Variants in KCNQ5 observed in about 807,000 individuals in gnomAD.
The protein encoded by KCNQ5 is potassium voltage-gated channel subfamily Q member 5, also known as potassium voltage-gated channel subfamily KQT member 5.
Under a neutral mutation model 98.2 loss-of-function variants are expected in KCNQ5, and 30 were observed. The ratio of observed to expected loss-of-function variants is 0.31; its 90% CI spans 0.23 to 0.41. The LOEUF is 0.41. Ranked by LOEUF, KCNQ5 falls within the 10% of genes least tolerant of loss-of-function variation. The pLI is 1.00. For synonymous variants in KCNQ5, 458 were observed against 449.4 expected (o/e 1.02, Z -0.24); for missense variants, 835 against 1,182.5 (o/e 0.71, Z 4.31).
chr6:72,849,115 TACAC>T (rs57312980), intron 1 of KCNQ5, among the ~76,000 whole-genome samples: 2,016 of 147,350 alleles, frequency 0.014, 35 homozygotes, highest in African/African-American at 0.038. Context: ...TATGTACACA[TACAC>T]ACACACACAC....
At chr6:72,947,012 A>T (rs2150248299) in intron 1 of KCNQ5, among the ~76,000 whole-genome samples, 1 of 152,192 alleles carries the variant, frequency 6.6e-6, no homozygotes, top group African/African-American at 2.4e-5. Context: ...TTGCACTTTT[A>T]ATTTTCCACC....
intron 10 of KCNQ5, chr6:73,157,885 A>G: frequency 1.3e-6 from 1 of 777,894 alleles, no homozygotes; most frequent in East Asian, 2.4e-5. Context: ...AATATCGTTC[A>G]GCGCATTTTT....
intron 1 of KCNQ5, among the ~76,000 whole-genome samples, chr6:72,865,775 GA>G (rs1359804464): frequency 1.2e-4 from 18 of 152,170 alleles, no homozygotes; most frequent in Admixed American, 2.0e-4. Flanking sequence ...CATCCAGGAG[GA>G]ATCCAAGTCA....
At chr6:72,927,050 C>T (rs923411312) in intron 1 of KCNQ5, among the ~76,000 whole-genome samples, 1 of 152,136 alleles carries the variant, frequency 6.6e-6, no homozygotes, top group African/African-American at 2.4e-5. Flanking sequence ...ACAGAGTCAA[C>T]ACTTAGAGGC....
At chr6:73,016,396 A>G (rs181694187) in intron 2 of KCNQ5, among the ~76,000 whole-genome samples, 1 of 152,220 alleles carries the variant, frequency 6.6e-6, no homozygotes, top group East Asian at 1.9e-4. Context: ...CACCAGTTGA[A>G]CTGTAAATTT....
chr6:73,015,121 G>A (rs767426476), intron 2 of KCNQ5, among the ~76,000 whole-genome samples: 4 of 152,044 alleles, frequency 2.6e-5, no homozygotes, highest in East Asian at 1.9e-4. Flanking sequence ...AGGCAGTAAC[G>A]CAGTATGAGA....
At chr6:72,705,247 C>G (rs1271831014) in intron 1 of KCNQ5, among the ~76,000 whole-genome samples, 2 of 152,126 alleles carry the variant, frequency 1.3e-5, no homozygotes, top group Non-Finnish European at 2.9e-5. Context: ...AACTGATATC[C>G]TGGATCATTA....
chr6:73,133,932 A>G (rs908698347), intron 10 of KCNQ5: 1 of 535,172 alleles, frequency 1.9e-6, no homozygotes, highest in South Asian at 1.5e-5. Context: ...CAAGGGCCAC[A>G]TTAAGATCAA....
chr6:72,973,319 C>G (rs1422433333), intron 1 of KCNQ5, among the ~76,000 whole-genome samples: 3 of 151,636 alleles, frequency 2.0e-5, no homozygotes, highest in Non-Finnish European at 4.4e-5. Flanking sequence ...ATAAACTTCT[C>G]TAAAAAAACC....
chr6:72,983,964 G>A (rs1045827501), intron 1 of KCNQ5, among the ~76,000 whole-genome samples: 8 of 152,040 alleles, frequency 5.3e-5, no homozygotes, highest in Admixed American at 1.3e-4. Flanking sequence ...GTTTGCTGGC[G>A]GTCCACTCCT....
At chr6:72,653,792 T>C (rs1765995379) in intron 1 of KCNQ5, among the ~76,000 whole-genome samples, 1 of 152,012 alleles carries the variant, frequency 6.6e-6, no homozygotes, top group Non-Finnish European at 1.5e-5. Flanking sequence ...AGGAGAAAAA[T>C]TAAGATAAGG....
intron 1 of KCNQ5, among the ~76,000 whole-genome samples, chr6:72,833,546 G>A (rs570475915): frequency 3.9e-5 from 6 of 152,138 alleles, no homozygotes; most frequent in Admixed American, 1.3e-4. Context: ...TTACTGGGAT[G>A]ACATTTTGTA....
chr6:73,186,606 GA>G (rs933157042), intron 11 of KCNQ5, among the ~76,000 whole-genome samples: 5 of 152,130 alleles, frequency 3.3e-5, no homozygotes, highest in Non-Finnish European at 7.3e-5. Flanking sequence ...TACATTATTA[GA>G]TAGAATTTCC....
chr6:73,112,447 G>A (rs1165206684), intron 7 of KCNQ5, among the ~76,000 whole-genome samples: 5 of 151,422 alleles, frequency 3.3e-5, no homozygotes. Context: ...CTGGGTTCAC[G>A]CCATTCTCCT....
chr6:72,954,327 C>A (rs1274079079), intron 1 of KCNQ5, among the ~76,000 whole-genome samples: 1 of 151,970 alleles, frequency 6.6e-6, no homozygotes, highest in African/African-American at 2.4e-5. Flanking sequence ...GAGGAGGAGC[C>A]AGAGGCTTGG....
chr6:72,738,063 G>A (rs1311568223), intron 1 of KCNQ5, among the ~76,000 whole-genome samples: 1 of 152,246 alleles, frequency 6.6e-6, no homozygotes, highest in East Asian at 1.9e-4. Context: ...GCTGAGGCAG[G>A]AGAATGGCGT....
intron 1 of KCNQ5, among the ~76,000 whole-genome samples, chr6:72,729,783 G>A (rs1399498033): frequency 6.6e-6 from 1 of 152,044 alleles, no homozygotes; most frequent in Non-Finnish European, 1.5e-5. Context: ...TCAGGTATTA[G>A]AGAAGTTTTT....
intron 1 of KCNQ5, among the ~76,000 whole-genome samples, chr6:72,789,793 G>T (rs950074189): frequency 8.5e-5 from 13 of 152,256 alleles, no homozygotes; most frequent in African/African-American, 2.9e-4. Flanking sequence ...AGGACACTTA[G>T]TCCCACCTTT....
intron 5 of KCNQ5, among the ~76,000 whole-genome samples, chr6:73,079,269 G>T (rs564496893): frequency 6.6e-6 from 1 of 152,138 alleles, no homozygotes; most frequent in Non-Finnish European, 1.5e-5. Context: ...TGTCCATATC[G>T]TTTTGGTTCA....
Sources: allele counts gnomAD v4.1 joint callset (sites outside exome capture counted in the v4.1 genomes callset), GRCh38; gene constraint gnomAD v4.1.1; transcripts MANE v1.5; gene names NCBI Gene and HGNC (gene_info 2026-07-23, HGNC 2026-07-21).